VPS53: variants seen among roughly 807,000 people sequenced by gnomAD.
VPS53 encodes VPS53 subunit of GARP complex, also known as vacuolar protein sorting-associated protein 53 homolog.
A neutral mutation model predicts 107.0 loss-of-function variants in VPS53; 70 were observed. That is an observed-to-expected ratio of 0.65 (90% CI 0.54 to 0.80). VPS53 has a LOEUF of 0.80. Ranked by LOEUF, VPS53 falls within the 30% of genes least tolerant of loss-of-function variation. The probability of loss-of-function intolerance (pLI) is 0.00; values close to 1 mark genes in which losing one functional copy is unlikely to be tolerated. For synonymous variants in VPS53, 409 were observed against 393.3 expected, an observed-to-expected ratio of 1.04 and a Z score of -0.47; for missense variants, 917 against 1,049.4, an observed-to-expected ratio of 0.87 and a Z score of 1.74.
intron 4 of VPS53, among the ~76,000 whole-genome samples, chr17:664,318 T>A (rs1413248164): frequency 6.6e-6 from 1 of 152,126 alleles, no homozygotes; most frequent in Admixed American, 6.6e-5. Context: ...GACCTCGTGA[T>A]CTGCCCGCCT....
chr17:658,548 G>C (rs1346495433), intron 5 of VPS53, among the ~76,000 whole-genome samples: 1 of 151,096 alleles, frequency 6.6e-6, no homozygotes, highest in Admixed American at 6.6e-5. Flanking sequence ...CCACCAAAGT[G>C]AGAAACTTGG....
chr17:687,111 C>G (rs1026622742), intron 4 of VPS53, among the ~76,000 whole-genome samples: 1 of 152,030 alleles, frequency 6.6e-6, no homozygotes, highest in Non-Finnish European at 1.5e-5. Context: ...ATGGTGAAAC[C>G]CTGTCTCTAC....
At chr17:543,821 G>A (rs143371111) in intron 17 of VPS53, among the ~76,000 whole-genome samples, 374 of 35,396 alleles carry the variant, frequency 0.011, 6 homozygotes, top group African/African-American at 0.09. Flanking sequence ...GGAAGGGAGG[G>A]AGGGAGGGAG....
chr17:674,303 T>C (rs975274384), intron 4 of VPS53: 1 of 152,258 alleles, frequency 6.6e-6, no homozygotes, highest in Non-Finnish European at 1.5e-5. Context: ...TTCGAGGTTA[T>C]TGACTTCATT....
At chr17:691,511 A>G (rs1972774154) in intron 4 of VPS53, among the ~76,000 whole-genome samples, 1 of 152,246 alleles carries the variant, frequency 6.6e-6, no homozygotes, top group South Asian at 2.1e-4. Flanking sequence ...AGTGAGCAAT[A>G]CAGCACCCCC....
chr17:701,685 A>G (rs1452863662), intron 2 of VPS53, among the ~76,000 whole-genome samples: 2 of 151,666 alleles, frequency 1.3e-5, no homozygotes, highest in East Asian at 3.9e-4. Context: ...CAAGAGGAAA[A>G]CATTTCTAAT....
intron 7 of VPS53, among the ~76,000 whole-genome samples, chr17:642,613 GGGACAACACTCATACTTGGAAAGCGA>G (rs1567700737): frequency 1.5e-5 from 1 of 64,658 alleles, no homozygotes; most frequent in African/African-American, 6.4e-5. Flanking sequence ...TTGGCAACTG[GGGACAACACTCATACTTGGAAAGCGA>G]GGACAACACT....
At chr17:702,623 G>A (rs975757514) in intron 2 of VPS53, among the ~76,000 whole-genome samples, 11 of 151,952 alleles carry the variant, frequency 7.2e-5, no homozygotes, top group African/African-American at 2.2e-4. Context: ...CCGAGATCGC[G>A]CCACTGCACT....
rs34920740 is a variant in VPS53 at position 515,804 on chromosome 17, CTTT to C, written c.*3321_*3323del. 2 of 147,972 alleles carry C rather than the reference CTTT, an allele frequency of 1.4e-5. No individual in the cohort carries two copies. Among genetic ancestry groups the C allele is most frequent in the African/African-American group, 5.0e-5 (2 of 40,166 alleles). The allele number at this position is 147,972 out of a possible 1,614,324, so 9.2% of individuals were successfully genotyped here. A position where few individuals can be genotyped will look rare whatever the true frequency, so the allele number is the denominator to read the frequency against. On this transcript the variant is annotated 3_prime_UTR_variant, in exon 22 of 22. Coordinates refer to ENST00000437048, the MANE Select transcript of VPS53 (RefSeq NM_001128159.3). ...CATGGTCCCCACCACCACCAAAAGT[CTTT>C]TTTTTTTAACTGAGTCTCACTCTGT...
chr17:649,792 A>T (rs1236451744), intron 7 of VPS53, among the ~76,000 whole-genome samples: 16 of 152,250 alleles, frequency 1.1e-4, no homozygotes, highest in Admixed American at 1.0e-3. Context: ...GGAACAGGCA[A>T]CCCAGTGCTT....
intron 13 of VPS53, among the ~76,000 whole-genome samples, chr17:575,348 G>A (rs898196717): frequency 6.6e-6 from 1 of 152,180 alleles, no homozygotes; most frequent in Non-Finnish European, 1.5e-5. Flanking sequence ...GCTCACCCAT[G>A]ATAGAAGCAT....
chr17:552,838 T>C (rs1486546341), intron 16 of VPS53: 2 of 385,516 alleles, frequency 5.2e-6, no homozygotes, highest in Non-Finnish European at 9.3e-6. Flanking sequence ...TCTTAGGTTC[T>C]GTAGTGACTA....
chr17:541,196 T>A (rs1170970629), intron 17 of VPS53, among the ~76,000 whole-genome samples: 13 of 152,168 alleles, frequency 8.5e-5, no homozygotes, highest in Non-Finnish European at 1.9e-4. Flanking sequence ...ACGCTCACTC[T>A]CACTCTGATG....
At chr17:667,603 G>A (rs987622361) in intron 4 of VPS53, among the ~76,000 whole-genome samples, 1 of 104,984 alleles carries the variant, frequency 9.5e-6, no homozygotes, top group Admixed American at 1.3e-4. Context: ...AATGTTCTGC[G>A]GAGGGGGCAA....
chr17:648,946 C>G (rs1481324753), intron 7 of VPS53, among the ~76,000 whole-genome samples: 1 of 116,618 alleles, frequency 8.6e-6, no homozygotes. Flanking sequence ...AGATCTTACA[C>G]TGGAGGACAG....
chr17:692,525 T>C (rs1360891393), intron 4 of VPS53, among the ~76,000 whole-genome samples: 3 of 152,212 alleles, frequency 2.0e-5, no homozygotes, highest in Non-Finnish European at 4.4e-5. Flanking sequence ...AAGCGGCTGG[T>C]ATTTCAGAAA....
chr17:714,732 A>G lies in VPS53; in HGVS notation c.-23T>C. ...CATTCCGCCACCCGGCCCCCTGCCG[A>G]CCCCCGCCGCGAGCCCAACTCAGGC... is the stretch of plus-strand genomic sequence containing the variant. On this transcript the variant is annotated 5_prime_UTR_variant, in exon 1 of 22. Transcript: ENST00000437048. 6.3e-7 allele frequency: 1 copy of G among 1,585,442 alleles called. No homozygotes were observed. Among genetic ancestry groups the G allele is most frequent in the Non-Finnish European group, 8.5e-7 (1 of 1,169,864 alleles).
chr17:663,654 C>T (rs1009897908), intron 4 of VPS53, among the ~76,000 whole-genome samples: 19 of 152,178 alleles, frequency 1.2e-4, no homozygotes, highest in African/African-American at 3.6e-4. Context: ...GTGTATAGAC[C>T]ACATGCACTG....
chr17:628,140 A>C lies in VPS53; in HGVS notation c.779T>G (p.Phe260Cys). Residue 260 changes from phenylalanine to cysteine, a missense_variant, in exon 9 of 22, where the codon TTT becomes TGT. Phe to Cys is a radical substitution (Grantham distance 205). Coordinates refer to ENST00000437048, the MANE Select transcript of VPS53 (RefSeq NM_001128159.3). ...PRIKQEIIKK[F>C]IKQHLSEYLV... is the part of the protein sequence containing the mutation. The stretch of plus-strand genomic sequence containing the variant: ...ATACTCTGACAGATGCTGTTTAATA[A>C]ACTTTTTGATGATTTCCTGTTTGAT... The C allele has an allele frequency of 1.2e-6, 2 of 1,613,992 alleles. No individual in the cohort carries two copies. Among genetic ancestry groups the C allele is most frequent in the Non-Finnish European group, 1.7e-6 (2 of 1,179,962 alleles).
Sources: allele counts gnomAD v4.1 joint callset (sites outside exome capture counted in the v4.1 genomes callset), GRCh38; gene constraint gnomAD v4.1.1; transcripts MANE v1.5; gene names NCBI Gene and HGNC (gene_info 2026-07-23, HGNC 2026-07-21).